Variants in CSRNP3 observed in about 807,000 individuals in gnomAD.
The protein encoded by CSRNP3 is cysteine/serine-rich nuclear protein 3.
Under a neutral mutation model 48.0 loss-of-function variants are expected in CSRNP3, and 12 were observed. That is an observed-to-expected ratio of 0.25 (90% CI 0.16 to 0.41). CSRNP3 has a LOEUF of 0.41. Ranked by LOEUF, CSRNP3 falls within the 10% of genes least tolerant of loss-of-function variation. The pLI, the probability that CSRNP3 is intolerant of heterozygous loss-of-function variation, is 1.00. For missense variants in CSRNP3, 580 were observed against 724.4 expected, an observed-to-expected ratio of 0.80 and a Z score of 2.29; for synonymous variants, 263 against 269.7, an observed-to-expected ratio of 0.98 and a Z score of 0.24.
intron 3 of CSRNP3, among the ~76,000 whole-genome samples, chr2:165,551,084 C>T (rs1270769395): frequency 6.6e-6 from 1 of 152,108 alleles, no homozygotes; most frequent in Non-Finnish European, 1.5e-5. Context: ...CTTACGCTAT[C>T]ATTCTTTGAT....
chr2:165,486,365 G>T (rs1164538891), intron 1 of CSRNP3, among the ~76,000 whole-genome samples: 2 of 151,252 alleles, frequency 1.3e-5, no homozygotes, highest in Non-Finnish European at 3.0e-5. Context: ...GCGAGGCTGG[G>T]GGAGGGGCGC....
At chr2:165,533,425 G>A (rs1158317088) in intron 3 of CSRNP3, among the ~76,000 whole-genome samples, 1 of 151,984 alleles carries the variant, frequency 6.6e-6, no homozygotes, top group Non-Finnish European at 1.5e-5. Flanking sequence ...TGTAGCAATG[G>A]GAATCCCTTA....
intron 4 of CSRNP3, among the ~76,000 whole-genome samples, chr2:165,645,060 A>C (rs1686788438): frequency 6.6e-6 from 1 of 152,118 alleles, no homozygotes; most frequent in Non-Finnish European, 1.5e-5. Flanking sequence ...AAGGCCAGGC[A>C]CAGTGGCTCA....
chr2:165,676,482 G>C lies in CSRNP3; in HGVS notation c.579G>C (p.Lys193Asn). The change falls in exon 6 of 7, where the codon AAG (lysine) becomes AAC (asparagine). Residue 193 changes from lysine (K) to asparagine (N), a missense_variant. This residue lies in a region of CSRNP3 where 66 missense variants were observed against 137.6 expected (regional missense o/e 0.48). Transcript: ENST00000651982. ...TGCTGCGTGCCTCTGGAGTGAAAAAGATTGACGTGGAAGAAAAGCACGAAC... is the reference window on the plus strand; with the variant it reads ...TGCTGCGTGCCTCTGGAGTGAAAAACATTGACGTGGAAGAAAAGCACGAAC... ...RALLRASGVKKIDVEEKHELR... is the reference protein window; with the variant it reads ...RALLRASGVKNIDVEEKHELR... The C allele has an allele frequency of 6.2e-7, 1 of 1,614,164 alleles. No individual in the cohort carries two copies. Among genetic ancestry groups the C allele is most frequent in the Non-Finnish European group, 8.5e-7 (1 of 1,180,006 alleles).
chr2:165,613,664 C>T (rs1208397903), intron 4 of CSRNP3, among the ~76,000 whole-genome samples: 1 of 152,102 alleles, frequency 6.6e-6, no homozygotes, highest in Non-Finnish European at 1.5e-5. Context: ...TTATCCTTCC[C>T]CCATTGTATG....
At chr2:165,566,028 C>CA (rs1459593989) in intron 3 of CSRNP3, among the ~76,000 whole-genome samples, 2 of 151,914 alleles carry the variant, frequency 1.3e-5, no homozygotes, top group Non-Finnish European at 2.9e-5. Flanking sequence ...GGTTCATAGA[C>CA]AAAATCTATG....
intron 3 of CSRNP3, among the ~76,000 whole-genome samples, chr2:165,545,076 G>A (rs1163532908): frequency 6.6e-6 from 1 of 152,120 alleles, no homozygotes; most frequent in African/African-American, 2.4e-5. Flanking sequence ...AAGTGTTTCT[G>A]ATGGGTAATA....
chr2:165,612,188 CTAAT>C lies in CSRNP3; in HGVS notation c.148+16977_148+16980del, dbSNP rs1010724207. Among the ~76,000 whole-genome samples, 146 of 152,128 alleles carry C rather than the reference CTAAT, an allele frequency of 9.6e-4. 1 individual carries two copies. The highest frequency in any genetic ancestry group is 9.4e-3 in the Admixed American group (143 of 15,274). On this transcript the variant is annotated intron_variant, in intron 4 of 6. Coordinates refer to ENST00000651982, the MANE Select transcript of CSRNP3 (RefSeq NM_001172173.2). ...GCATTCTTGGAAGCCAATTAATTCT[CTAAT>C]TTTCAAAATTGTATTATGTCTATAG...
chr2:165,536,556 T>A (rs1684884628), intron 3 of CSRNP3, among the ~76,000 whole-genome samples: 1 of 151,938 alleles, frequency 6.6e-6, no homozygotes, highest in South Asian at 2.1e-4. Flanking sequence ...CTAAGATTTT[T>A]ATATTCTTCT....
rs1553486512 is a variant in CSRNP3, at chr2:165,689,269, T to TATAA, written c.*9517_*9518insTAAA. On this transcript the variant is annotated 3_prime_UTR_variant, in exon 7 of 7. Coordinates refer to ENST00000651982, the MANE Select transcript of CSRNP3 (RefSeq NM_001172173.2). ...TTTTATTGCAGTGTGTATATATATA[T>TATAA]AACAAATAAGCATTTTTAAGTCTTA... is the stretch of plus-strand genomic sequence containing the variant. 5 of 152,152 alleles carry TATAA rather than the reference T, an allele frequency of 3.3e-5. No homozygotes were observed. Among genetic ancestry groups the TATAA allele is most frequent in the African/African-American group, 1.2e-4 (5 of 41,432 alleles). The allele number at this position is 152,152 out of a possible 1,614,324, so 9.4% of individuals were successfully genotyped here. A position where few individuals can be genotyped will look rare whatever the true frequency, so the allele number is the denominator to read the frequency against.
intron 4 of CSRNP3, among the ~76,000 whole-genome samples, chr2:165,632,999 A>G (rs1356196294): frequency 2.0e-5 from 3 of 152,200 alleles, no homozygotes; most frequent in Non-Finnish European, 2.9e-5. Flanking sequence ...GTAATATTTG[A>G]ACATTTTCTT....
chr2:165,556,261 T>A (rs913050352), intron 3 of CSRNP3, among the ~76,000 whole-genome samples: 1 of 152,078 alleles, frequency 6.6e-6, no homozygotes, highest in African/African-American at 2.4e-5. Context: ...TGGACTAAGA[T>A]AGGAGATGCA....
chr2:165,539,028 A>T (rs1558928765), intron 3 of CSRNP3, among the ~76,000 whole-genome samples: 1 of 152,122 alleles, frequency 6.6e-6, no homozygotes, highest in East Asian at 1.9e-4. Context: ...TAGTGGATTG[A>T]AAAAGTACGA....
chr2:165,471,385 A>C (rs1683893451), intron 1 of CSRNP3, among the ~76,000 whole-genome samples: 2 of 152,014 alleles, frequency 1.3e-5, no homozygotes, highest in South Asian at 4.1e-4. Flanking sequence ...ATTCAAGGTG[A>C]TATATAAGAC....
intron 4 of CSRNP3, among the ~76,000 whole-genome samples, chr2:165,628,659 G>A (rs929414492): frequency 6.6e-6 from 1 of 152,180 alleles, no homozygotes; most frequent in African/African-American, 2.4e-5. Context: ...GGGAGGCGGA[G>A]GTTGCAGTGA....
At position 165,671,971 on chromosome 2, in the gene CSRNP3, A is replaced by G. The variant is rs1687339190; in HGVS notation, c.409-4341A>G. On this transcript the variant is annotated intron_variant, in intron 5 of 6. Transcript: ENST00000651982. ...AGAGTCACCTTTGCTCCAGTTGCCA[A>G]CAGGTTCCTCATCTTCATCTCAGCC... 2.0e-5 allele frequency among the ~76,000 whole-genome samples: 3 copies of G among 152,316 alleles called. No individual in the cohort carries two copies. In the South Asian group the frequency reaches 6.2e-4, roughly 32 times the overall value.
At chr2:165,637,141 A>G in intron 4 of CSRNP3, among the ~76,000 whole-genome samples, 1 of 152,256 alleles carries the variant, frequency 6.6e-6, no homozygotes, top group Admixed American at 6.5e-5. Context: ...GGTTGATTCA[A>G]CAAGGCTATA....
chr2:165,554,415 C>T (rs1574835187), intron 3 of CSRNP3, among the ~76,000 whole-genome samples: 1 of 152,086 alleles, frequency 6.6e-6, no homozygotes, highest in South Asian at 2.1e-4. Flanking sequence ...ATAGAACTAC[C>T]TATTTGACAT....
chr2:165,606,877 G>A (rs1027337348), intron 4 of CSRNP3, among the ~76,000 whole-genome samples: 3 of 151,934 alleles, frequency 2.0e-5, no homozygotes, highest in Non-Finnish European at 4.4e-5. Context: ...ACATAGGAAG[G>A]GATAATACAC....
Sources: allele counts gnomAD v4.1 joint callset (sites outside exome capture counted in the v4.1 genomes callset), GRCh38; gene constraint gnomAD v4.1.1; regional missense constraint gnomAD v4.1.1; transcripts MANE v1.5; gene names NCBI Gene and HGNC (gene_info 2026-07-23, HGNC 2026-07-21).